Variants in ADRA1B observed in about 807,000 individuals in gnomAD.
ADRA1B encodes the protein adrenoceptor alpha 1B.
ADRA1B carries 17 observed loss-of-function variants against 17.9 expected under a neutral mutation model. The ratio of observed to expected loss-of-function variants is 0.95; its 90% CI spans 0.65 to 1.42. The LOEUF (loss-of-function observed/expected upper bound fraction) is 1.42, where lower values mean the gene tolerates loss of function less well. Among genes scored for constraint, ADRA1B ranks in the 40% most tolerant of loss-of-function variants. ADRA1B has a pLI of 0.00. For synonymous variants in ADRA1B, 366 were observed against 327.6 expected, an observed-to-expected ratio of 1.12 and a Z score of -1.27; for missense variants, 681 against 722.1, an observed-to-expected ratio of 0.94 and a Z score of 0.65.
At position 159,917,543 on chromosome 5, in the gene ADRA1B, A is replaced by G. The variant is rs1754356390; in HGVS notation, c.638A>G (p.Tyr213Cys). 2 of 1,613,882 alleles carry G rather than the reference A, an allele frequency of 1.2e-6. No individual in the cohort carries two copies. Among genetic ancestry groups the G allele is most frequent in the Non-Finnish European group, 1.7e-6 (2 of 1,179,984 alleles). Residue 213 changes from tyrosine to cysteine, a missense_variant, in exon 1 of 2, where the codon TAC (tyrosine) becomes TGC (cysteine). Physicochemically the swap from Tyr to Cys is radical, Grantham distance 194. This residue lies in a region of ADRA1B where 424 missense variants were observed against 480.2 expected (regional missense o/e 0.88). Coordinates refer to ENST00000306675, the MANE Select transcript of ADRA1B (RefSeq NM_000679.4). ...YALFSSLGSFYIPLAVILVMY... is the reference protein window; with the variant it reads ...YALFSSLGSFCIPLAVILVMY... Reference sequence around the variant, plus strand: ...CTCTTCTCCTCTCTGGGCTCCTTCTACATCCCTCTGGCGGTCATTCTAGTC... The same window carrying G: ...CTCTTCTCCTCTCTGGGCTCCTTCTGCATCCCTCTGGCGGTCATTCTAGTC...
At chr5:159,976,649 C>CAAAA (rs778613423), downstream of ADRA1B, among the ~76,000 whole-genome samples, 1 of 100,354 alleles carries the variant, frequency 1.0e-5, no homozygotes, top group African/African-American at 3.6e-5. Flanking sequence ...CTCACTGTCT[C>CAAAA]AAAAAAAAAA....
intron 1 of ADRA1B, among the ~76,000 whole-genome samples, chr5:159,957,686 A>C (rs1755582704): frequency 6.6e-6 from 1 of 151,976 alleles, no homozygotes; most frequent in South Asian, 2.1e-4. Flanking sequence ...CTATAATCCC[A>C]GCACTTTGGG....
At chr5:159,902,001 TA>T (rs1754105574) in intron 1 of ADRA1B, among the ~76,000 whole-genome samples, 1 of 152,222 alleles carries the variant, frequency 6.6e-6, no homozygotes, top group African/African-American at 2.4e-5. Flanking sequence ...CTTCTCAGTA[TA>T]TATTAAAGGA....
At chr5:159,951,591 G>T in intron 1 of ADRA1B, 1 of 452,398 alleles carries the variant, frequency 2.2e-6, no homozygotes, top group Non-Finnish European at 4.1e-6. Context: ...AATTTAGCAC[G>T]GTCTGGATGG....
At chr5:159,882,348 C>T (rs1753872804) in intron 1 of ADRA1B, among the ~76,000 whole-genome samples, 1 of 152,144 alleles carries the variant, frequency 6.6e-6, no homozygotes, top group Non-Finnish European at 1.5e-5. Flanking sequence ...GGATTCCACC[C>T]ACCAGCATCC....
At chr5:159,951,376 A>C (rs1224499176) in intron 1 of ADRA1B, 1 of 977,380 alleles carries the variant, frequency 1.0e-6, no homozygotes, top group Non-Finnish European at 1.6e-6. Context: ...TAAACCATGT[A>C]GTTGAGGTCA....
chr5:159,917,841 C>A lies in ADRA1B; in HGVS notation c.936C>A (p.Ile312=), dbSNP rs1265592542. The change falls in exon 1 of 2, where the codon ATC becomes ATA. Residue 312 remains isoleucine (I), a synonymous_variant. Coordinates refer to ENST00000306675, the MANE Select transcript of ADRA1B (RefSeq NM_000679.4). ...TCTTGTGCTGGCTACCCTTCTTCATCGCTCTACCGCTTGGTAAGTTGGGGA... is the reference window on the plus strand; with the variant it reads ...TCTTGTGCTGGCTACCCTTCTTCATAGCTCTACCGCTTGGTAAGTTGGGGA... ...MFILCWLPFF[I]ALPLGSLFST... The A allele has an allele frequency of 1.2e-6, 2 of 1,602,430 alleles. No homozygotes were observed. The highest frequency in any genetic ancestry group is 2.7e-5 in the African/African-American group (2 of 74,456).
intron 1 of ADRA1B, chr5:159,870,564 C>T (rs1244286460): frequency 6.6e-6 from 1 of 152,168 alleles, no homozygotes; most frequent in African/African-American, 2.4e-5. Context: ...TGTGTATAAA[C>T]TCCTGTAAGT....
intron 1 of ADRA1B, among the ~76,000 whole-genome samples, chr5:159,919,937 G>GCTCTAGGCTTGCTGCTTTGCTT (rs1486230009): frequency 2.6e-5 from 4 of 152,236 alleles, no homozygotes; most frequent in Non-Finnish European, 5.9e-5. Flanking sequence ...TAGCTCTGTG[G>GCTCTAGGCTTGCTGCTTTGCTT]CTCTAGGCTT....
At chr5:159,970,787 C>G (rs1395436777) in intron 1 of ADRA1B, among the ~76,000 whole-genome samples, 2 of 152,126 alleles carry the variant, frequency 1.3e-5, no homozygotes, top group African/African-American at 2.4e-5. Context: ...TCAGGTATGT[C>G]CCTTTGTGGT....
At chr5:159,876,769 G>T (rs1299666002) in intron 1 of ADRA1B, among the ~76,000 whole-genome samples, 1 of 152,198 alleles carries the variant, frequency 6.6e-6, no homozygotes, top group Non-Finnish European at 1.5e-5. Context: ...CGCCTCTGTG[G>T]GGTCTGTTGG....
chr5:159,893,937 C>A (rs1442828394), intron 1 of ADRA1B, among the ~76,000 whole-genome samples: 1 of 152,204 alleles, frequency 6.6e-6, no homozygotes, highest in Non-Finnish European at 1.5e-5. Context: ...GGCCTCTCTG[C>A]ATAGTGTGTC....
intron 1 of ADRA1B, among the ~76,000 whole-genome samples, chr5:159,945,108 G>A (rs1361186319): frequency 3.9e-5 from 6 of 152,148 alleles, no homozygotes; most frequent in South Asian, 2.1e-4. Context: ...GGCCGGGTGC[G>A]GTGGCTCACG....
chr5:159,924,366 T>C (rs1430882323), intron 1 of ADRA1B, among the ~76,000 whole-genome samples: 2 of 152,168 alleles, frequency 1.3e-5, no homozygotes. Context: ...TTCAGAAATT[T>C]TTTTCAAACT....
chr5:159,873,136 T>C (rs1161915913), intron 1 of ADRA1B, among the ~76,000 whole-genome samples: 2 of 152,234 alleles, frequency 1.3e-5, no homozygotes, highest in Non-Finnish European at 2.9e-5. Context: ...TAGTATTCCA[T>C]AGTGTATATG....
intron 1 of ADRA1B, among the ~76,000 whole-genome samples, chr5:159,925,658 T>C (rs1754624561): frequency 6.6e-6 from 1 of 152,206 alleles, no homozygotes; most frequent in African/African-American, 2.4e-5. Context: ...TTGGAGTTAC[T>C]GTGGCTAGTG....
chr5:159,969,756 G>A (rs1755834927), intron 1 of ADRA1B, among the ~76,000 whole-genome samples: 1 of 152,164 alleles, frequency 6.6e-6, no homozygotes, highest in African/African-American at 2.4e-5. Context: ...GTTCTAGAAA[G>A]TATTCCATTT....
chr5:159,901,407 G>A (rs1754098923), intron 1 of ADRA1B, among the ~76,000 whole-genome samples: 1 of 123,032 alleles, frequency 8.1e-6, no homozygotes, highest in South Asian at 3.7e-4. Flanking sequence ...GGAGGAGGAA[G>A]GGGAGGAGAA....
intron 1 of ADRA1B, among the ~76,000 whole-genome samples, chr5:159,941,675 C>A (rs756223052): frequency 6.6e-6 from 1 of 152,152 alleles, no homozygotes; most frequent in African/African-American, 2.4e-5. Context: ...TATATCCATA[C>A]AATGGAATGT....
Sources: gnomAD v4.1 joint callset for allele counts (sites outside exome capture counted in the v4.1 genomes callset) on GRCh38, gnomAD v4.1.1 for gene constraint, gnomAD v4.1.1 regional missense constraint, MANE v1.5 for transcripts, NCBI Gene and HGNC (gene_info 2026-07-23, HGNC 2026-07-21) for gene names.